MEIS1: variants seen among roughly 807,000 people sequenced by gnomAD.
MEIS1 encodes the protein homeobox protein Meis1.
A neutral mutation model predicts 50.8 loss-of-function variants in MEIS1; 5 were observed. That is an observed-to-expected ratio of 0.10 (90% CI 0.05 to 0.21). The LOEUF (loss-of-function observed/expected upper bound fraction) is 0.21, where lower values mean the gene tolerates loss of function less well. MEIS1 is among the 10% of genes least tolerant of loss of function. The pLI is 1.00. For missense variants in MEIS1, 318 were observed against 517.3 expected, an observed-to-expected ratio of 0.61 and a Z score of 3.74; for synonymous variants, 176 against 179.3, an observed-to-expected ratio of 0.98 and a Z score of 0.15.
chr2:66,545,910 C>T lies in MEIS1; in HGVS notation c.889-2033C>T, dbSNP rs184884044. Reference sequence around the variant, plus strand: ...TCATGGATCTTAAATTGGATTGTTTCTGCTTTGTTATACAATTTGATGTTG... The same window carrying T: ...TCATGGATCTTAAATTGGATTGTTTTTGCTTTGTTATACAATTTGATGTTG... On this transcript the variant is annotated intron_variant, in intron 8 of 12. Coordinates refer to ENST00000272369, the MANE Select transcript of MEIS1 (RefSeq NM_002398.3). Among the ~76,000 whole-genome samples, 70 of 152,312 alleles carry T rather than the reference C, an allele frequency of 4.6e-4. 1 individual carries two copies. Among genetic ancestry groups the T allele is most frequent in the Admixed American group, 1.3e-3 (20 of 15,288 alleles).
At chr2:66,530,541 C>T (rs1285910150) in intron 8 of MEIS1, among the ~76,000 whole-genome samples, 7 of 152,052 alleles carry the variant, frequency 4.6e-5, no homozygotes, top group Admixed American at 4.6e-4. Context: ...GGTGAAACCC[C>T]GTCTCTCCTA....
At chr2:66,539,769 A>T (rs1412073574) in intron 8 of MEIS1, among the ~76,000 whole-genome samples, 1 of 152,150 alleles carries the variant, frequency 6.6e-6, no homozygotes, top group Non-Finnish European at 1.5e-5. Context: ...CTTTGGCTGG[A>T]TGCTGGAAGG....
chr2:66,450,813 T>C (rs1672261847), intron 6 of MEIS1, among the ~76,000 whole-genome samples: 1 of 152,202 alleles, frequency 6.6e-6, no homozygotes, highest in African/African-American at 2.4e-5. Flanking sequence ...GAATTTTCCT[T>C]ACACTTTACA....
chr2:66,555,580 C>G (rs1254385972), intron 9 of MEIS1, among the ~76,000 whole-genome samples: 1 of 152,140 alleles, frequency 6.6e-6, no homozygotes, highest in Non-Finnish European at 1.5e-5. Context: ...CTATTCTTGT[C>G]AAATATGTCT....
chr2:66,479,968 T>C (rs1014677924), intron 7 of MEIS1, among the ~76,000 whole-genome samples: 6 of 152,166 alleles, frequency 3.9e-5, no homozygotes, highest in African/African-American at 1.4e-4. Context: ...TTTTGATGCA[T>C]AGTGTAGTGA....
intron 4 of MEIS1, chr2:66,441,155 G>A: frequency 4.4e-6 from 2 of 455,232 alleles, no homozygotes; most frequent in East Asian, 3.8e-5. Flanking sequence ...GACTGAGAAA[G>A]GGGAGAGCCA....
intron 7 of MEIS1, among the ~76,000 whole-genome samples, chr2:66,498,911 G>C (rs1287647108): frequency 6.6e-6 from 1 of 152,198 alleles, no homozygotes; most frequent in Non-Finnish European, 1.5e-5. Context: ...CAAGATCCCA[G>C]CTGTTTCGTA....
In MEIS1 at chr2:66,549,159, A is replaced by G. The variant is rs564097176; in HGVS notation, c.965+1140A>G. Among the ~76,000 whole-genome samples the G allele has an allele frequency of 8.1e-4, 124 of 152,312 alleles. 2 individuals carry two copies. The Middle Eastern group carries it at 0.01, about 13-fold the overall frequency. Reference sequence around the variant, plus strand: ...TATAATCCCATGTATTCTTCAATTTAGTATTTTAGAGATAACAAGCTACTT... The same window carrying G: ...TATAATCCCATGTATTCTTCAATTTGGTATTTTAGAGATAACAAGCTACTT... On this transcript the variant is annotated intron_variant, in intron 9 of 12. Coordinates refer to ENST00000272369, the MANE Select transcript of MEIS1 (RefSeq NM_002398.3).
intron 7 of MEIS1, among the ~76,000 whole-genome samples, chr2:66,466,236 G>A (rs1053162323): frequency 2.0e-5 from 3 of 152,114 alleles, no homozygotes; most frequent in African/African-American, 7.2e-5. Context: ...ACTTAAATAA[G>A]GTTCTTCTCA....
chr2:66,561,839 G>A (rs1405604018), intron 9 of MEIS1, among the ~76,000 whole-genome samples: 1 of 152,088 alleles, frequency 6.6e-6, no homozygotes, highest in Non-Finnish European at 1.5e-5. Flanking sequence ...AAACACGACG[G>A]GGGGTGAAGC....
intron 1 of MEIS1, 116 bp from the exon 2 acceptor site, chr2:66,437,621 G>A (rs1671831797): frequency 9.4e-6 from 8 of 851,948 alleles, no homozygotes; most frequent in Admixed American, 8.1e-5. Context: ...CAAGGCCACC[G>A]AATTCCGGGT....
intron 8 of MEIS1, among the ~76,000 whole-genome samples, chr2:66,530,409 A>G (rs1385614476): frequency 6.6e-6 from 1 of 152,178 alleles, no homozygotes; most frequent in Non-Finnish European, 1.5e-5. Flanking sequence ...TCCATTTTCT[A>G]TTCCTTAAAA....
chr2:66,518,102 G>A (rs1406365714), intron 8 of MEIS1, among the ~76,000 whole-genome samples: 2 of 152,142 alleles, frequency 1.3e-5, no homozygotes, highest in East Asian at 1.9e-4. Flanking sequence ...CCCACTTGTA[G>A]TTATGCACCT....
At chr2:66,450,255 A>G (rs983406658) in intron 6 of MEIS1, among the ~76,000 whole-genome samples, 4 of 152,166 alleles carry the variant, frequency 2.6e-5, no homozygotes, top group African/African-American at 7.2e-5. Context: ...AATTCTATTT[A>G]CAATTAATAG....
intron 1 of MEIS1, among the ~76,000 whole-genome samples, chr2:66,437,111 T>C (rs889480282): frequency 1.3e-5 from 2 of 152,180 alleles, no homozygotes; most frequent in South Asian, 4.1e-4. Flanking sequence ...CTACCCTCCT[T>C]TGAGTTTCAC....
At chr2:66,503,198 A>G (rs1673598870) in intron 7 of MEIS1, among the ~76,000 whole-genome samples, 1 of 152,186 alleles carries the variant, frequency 6.6e-6, no homozygotes, top group Non-Finnish European at 1.5e-5. Flanking sequence ...AATGGAGAGG[A>G]CACTCATGAC....
chr2:66,530,993 A>G lies in MEIS1; in HGVS notation c.889-16950A>G, dbSNP rs553858810. Among the ~76,000 whole-genome samples, 491 of 152,318 alleles carry G rather than the reference A, an allele frequency of 3.2e-3. 5 individuals carry two copies. Among genetic ancestry groups the G allele is most frequent in the African/African-American group, 9.9e-3 (411 of 41,582 alleles). On this transcript the variant is annotated intron_variant, in intron 8 of 12. Transcript: ENST00000272369. ...GATAAATTTTTTTTCTTGCCATGTG[A>G]TTTGAGAGAAAAGGGGAGTTTTAAA...
intron 2 of MEIS1, chr2:66,439,460 G>A (rs961621423): frequency 2.6e-5 from 36 of 1,365,300 alleles, no homozygotes; most frequent in Non-Finnish European, 3.0e-5. Flanking sequence ...CTCTCCGCCC[G>A]GCGCCTTTCT....
chr2:66,515,729 A>T (rs1256245499), intron 8 of MEIS1, among the ~76,000 whole-genome samples: 3 of 152,216 alleles, frequency 2.0e-5, no homozygotes, highest in Non-Finnish European at 2.9e-5. Context: ...AGGGTCTCTT[A>T]AAAGAAACTA....
Sources: gnomAD v4.1 joint callset for allele counts (sites outside exome capture counted in the v4.1 genomes callset) on GRCh38, gnomAD v4.1.1 for gene constraint, MANE v1.5 for transcripts, NCBI Gene and HGNC (gene_info 2026-07-23, HGNC 2026-07-21) for gene names.